Variants in STAT4 observed in about 807,000 individuals in gnomAD.
STAT4 encodes signal transducer and activator of transcription 4.
A neutral mutation model predicts 110.5 loss-of-function variants in STAT4; 42 were observed. The observed-to-expected ratio is 0.38, with a 90% confidence interval of 0.30 to 0.49. STAT4 has a LOEUF of 0.49. STAT4 is among the 20% of genes least tolerant of loss of function. The probability of loss-of-function intolerance (pLI) is 0.95; values close to 1 mark genes in which losing one functional copy is unlikely to be tolerated. For synonymous variants in STAT4, 284 were observed against 302.2 expected, an observed-to-expected ratio of 0.94 and a Z score of 0.63; for missense variants, 632 against 887.9, an observed-to-expected ratio of 0.71 and a Z score of 3.66.
intron 3 of STAT4, among the ~76,000 whole-genome samples, chr2:191,124,655 T>C (rs777358040): frequency 2.0e-5 from 3 of 152,166 alleles, no homozygotes; most frequent in Non-Finnish European, 2.9e-5. Context: ...ATCAAACTCA[T>C]CTTGTTGTCC....
In STAT4 at chr2:191,147,942, C is replaced by T; in HGVS notation, c.128+134G>A. The T allele has an allele frequency of 7.9e-7, 1 of 1,266,270 alleles. No homozygotes were observed. Among genetic ancestry groups the T allele is most frequent in the Non-Finnish European group, 1.1e-6 (1 of 931,088 alleles). 78.4% of individuals were successfully genotyped at this position (1,266,270 alleles called of 1,614,324 possible). A position where few individuals can be genotyped will look rare whatever the true frequency, so the allele number is the denominator to read the frequency against. ...TATTCCCCTTCTTTGGGAAGGCTTT[C>T]AAATCCTTGAGAAAGTTCTTTACCT... is the stretch of plus-strand genomic sequence containing the variant. On this transcript the variant is annotated intron_variant, in intron 2 of 23. Coordinates refer to ENST00000392320, the MANE Select transcript of STAT4 (RefSeq NM_003151.4). The surrounding 1 kb of genome is among the most constrained non-coding windows in gnomAD (Gnocchi z 4.1).
At position 191,077,336 on chromosome 2, in the gene STAT4, T is replaced by C. The variant is rs1697344209; in HGVS notation, c.274-1011A>G. Among the ~76,000 whole-genome samples the C allele has an allele frequency of 6.6e-6, 1 of 152,366 alleles. No homozygotes were observed. The highest frequency in any genetic ancestry group is 1.9e-4 in the East Asian group (1 of 5,192). On this transcript the variant is annotated intron_variant, in intron 3 of 23. Coordinates refer to ENST00000392320, the MANE Select transcript of STAT4 (RefSeq NM_003151.4). The surrounding 1 kb of genome is among the most constrained non-coding windows in gnomAD (Gnocchi z 4.1). ...TACCTGCAAGGCCTCTGTAGGTGTC[T>C]GAGTTTTCTAACCTTAATGGATAGA...
At chr2:191,081,642 T>C (rs1181749399) in intron 3 of STAT4, among the ~76,000 whole-genome samples, 3 of 152,220 alleles carry the variant, frequency 2.0e-5, no homozygotes, top group Non-Finnish European at 2.9e-5. Context: ...ATGTCTTCTT[T>C]TGGGGAAGTG....
rs1324648269 is a variant in STAT4, at chr2:191,062,125, G to A, written c.942-304C>T. ...GCTGAAGTGCAGTGGCACGATCATA[G>A]CTCACTGCAGTCTCAACCTCCTGAG... On this transcript the variant is annotated intron_variant, in intron 9 of 23. Transcript: ENST00000392320. This position sits in a 1 kb window ranked among gnomAD's most constrained non-coding sequence, Gnocchi z 4.9. 1.3e-5 allele frequency among the ~76,000 whole-genome samples: 2 copies of A among 152,158 alleles called. No individual in the cohort carries two copies. The highest frequency in any genetic ancestry group is 1.5e-5 in the Non-Finnish European group (1 of 68,034).
chr2:191,122,652 C>G (rs1698770399), intron 3 of STAT4, among the ~76,000 whole-genome samples: 1 of 152,160 alleles, frequency 6.6e-6, no homozygotes, highest in Admixed American at 6.5e-5. Context: ...TATAGTTATA[C>G]AATGGAATAC....
intron 3 of STAT4, among the ~76,000 whole-genome samples, chr2:191,085,265 TA>T (rs1017589348): frequency 1.3e-5 from 2 of 152,016 alleles, no homozygotes; most frequent in African/African-American, 4.8e-5. Flanking sequence ...AAACCTTTCA[TA>T]TTTGACAATT....
At chr2:191,097,086 G>A (rs1243607291) in intron 3 of STAT4, among the ~76,000 whole-genome samples, 1 of 152,054 alleles carries the variant, frequency 6.6e-6, no homozygotes, top group Non-Finnish European at 1.5e-5. Context: ...CCTCTTCAAG[G>A]AAAAACACAA....
rs1171799048 is a variant in STAT4, at chr2:191,112,826, A to G, written c.273+33787T>C. Among the ~76,000 whole-genome samples, 1 of 152,220 alleles carries G rather than the reference A, an allele frequency of 6.6e-6. No homozygotes were observed. On this transcript the variant is annotated intron_variant, in intron 3 of 23. Coordinates refer to ENST00000392320, the MANE Select transcript of STAT4 (RefSeq NM_003151.4). The surrounding 1 kb of genome is among the most constrained non-coding windows in gnomAD (Gnocchi z 4.3). ...TCTTTGGACAAACTACAGAAGGAAA[A>G]TTCAGGATAATTTCTTGAAAGCAAT...
At position 191,051,253 on chromosome 2, in the gene STAT4, A is replaced by C. The variant is rs1423206462; in HGVS notation, c.1251+3237T>G. ...AAGGAGAAAGATCAGCAGTTGTCTG[A>C]AGTTAGGTATCACGTTTTAGAGCCC... On this transcript the variant is annotated intron_variant, in intron 14 of 23. Transcript: ENST00000392320. The surrounding 1 kb of genome is among the most constrained non-coding windows in gnomAD (Gnocchi z 5.6). 6.6e-6 allele frequency among the ~76,000 whole-genome samples: 1 copy of C among 152,188 alleles called. No homozygotes were observed. Among genetic ancestry groups the C allele is most frequent in the East Asian group, 1.9e-4 (1 of 5,186 alleles).
chr2:191,066,477 C>T lies in STAT4; in HGVS notation c.583G>A (p.Val195Ile). The part of the protein sequence containing the change: ...DKNSAMVNQE[V>I]LTLQEMLNSL... ...TTAAGCATTTCCTGCAGTGTCAAAA[C>T]TTCCTGATTCACCATGGCACTATTC... The change falls in exon 7 of 24, where the codon GTT (valine) becomes ATT (isoleucine). Residue 195 changes from valine (V) to isoleucine (I), a missense_variant. By Grantham distance (29) the Val-to-Ile change is conservative (BLOSUM62 3). This residue lies in a region of STAT4 where 488 missense variants were observed against 632.8 expected (regional missense o/e 0.77). Coordinates refer to ENST00000392320, the MANE Select transcript of STAT4 (RefSeq NM_003151.4). The surrounding 1 kb of genome is among the most constrained non-coding windows in gnomAD (Gnocchi z 4.3). 6.2e-7 allele frequency: 1 copy of T among 1,613,538 alleles called. No homozygotes were observed. Among genetic ancestry groups the T allele is most frequent in the South Asian group, 1.1e-5 (1 of 91,076 alleles).
In STAT4 at chr2:191,033,385, A is replaced by T. The variant is rs1373213427; in HGVS notation, c.1852+105T>A. 1.5e-6 allele frequency: 2 copies of T among 1,345,962 alleles called. No individual in the cohort carries two copies. Among genetic ancestry groups the T allele is most frequent in the Non-Finnish European group, 2.0e-6 (2 of 995,604 alleles). 83.4% of individuals were successfully genotyped at this position (1,345,962 alleles called of 1,614,324 possible). A position where few individuals can be genotyped will look rare whatever the true frequency, so the allele number is the denominator to read the frequency against. ...CTACTAATATTCAAGCCCACTGAAT[A>T]CATCACAGACAGATCAACACACCAT... On this transcript the variant is annotated intron_variant, in intron 20 of 23. Coordinates refer to ENST00000392320, the MANE Select transcript of STAT4 (RefSeq NM_003151.4). The surrounding 1 kb of genome is among the most constrained non-coding windows in gnomAD (Gnocchi z 6.9).
At chr2:191,109,642 G>T (rs952868477) in intron 3 of STAT4, among the ~76,000 whole-genome samples, 1 of 152,214 alleles carries the variant, frequency 6.6e-6, no homozygotes, top group African/African-American at 2.4e-5. Flanking sequence ...TTTCAGTAGT[G>T]TAGGGAGAAG....
Position 191,031,349 on chromosome 2 carries a change from A to T in STAT4, c.2111+101T>A. The T allele has an allele frequency of 1.6e-6, 2 of 1,222,476 alleles. No homozygotes were observed. Among genetic ancestry groups the T allele is most frequent in the Non-Finnish European group, 2.3e-6 (2 of 869,430 alleles). The allele number at this position is 1,222,476 out of a possible 1,614,324, so 75.7% of individuals were successfully genotyped here. A position where few individuals can be genotyped will look rare whatever the true frequency, so the allele number is the denominator to read the frequency against. On this transcript the variant is annotated intron_variant, in intron 22 of 23. Coordinates refer to ENST00000392320, the MANE Select transcript of STAT4 (RefSeq NM_003151.4). The surrounding 1 kb of genome is among the most constrained non-coding windows in gnomAD (Gnocchi z 4.8). ...TAAAGGAAATGGGACATTGCACATTACAATGCTTTGTTCTCAGTTATGTGT... is the reference window on the plus strand; with the variant it reads ...TAAAGGAAATGGGACATTGCACATTTCAATGCTTTGTTCTCAGTTATGTGT...
chr2:191,075,653 A>C (rs560570243), intron 4 of STAT4, among the ~76,000 whole-genome samples: 2 of 152,266 alleles, frequency 1.3e-5, no homozygotes, highest in South Asian at 4.1e-4. Context: ...TGATGTATAG[A>C]TAAGATTCCA....
At chr2:191,085,506 C>T (rs1035257861) in intron 3 of STAT4, among the ~76,000 whole-genome samples, 11 of 151,956 alleles carry the variant, frequency 7.2e-5, no homozygotes, top group African/African-American at 2.7e-4. Flanking sequence ...TCTGATATGT[C>T]TATGTTATCA....
intron 3 of STAT4, among the ~76,000 whole-genome samples, chr2:191,137,698 C>A: frequency 6.6e-6 from 1 of 152,176 alleles, no homozygotes; most frequent in South Asian, 2.1e-4. Context: ...GAATAGAGAA[C>A]CCAGAAATAA....
rs1243861497 is a variant in STAT4, at chr2:191,143,494, C to T, written c.273+3119G>A. Among the ~76,000 whole-genome samples the T allele has an allele frequency of 6.6e-6, 1 of 152,176 alleles. No individual in the cohort carries two copies. The highest frequency in any genetic ancestry group is 1.9e-4 in the East Asian group (1 of 5,192). The stretch of plus-strand genomic sequence containing the variant: ...TGAACGATGGTGTTTATTGCTTCCA[C>T]CTTGGAGCTTCTTGAATTTGCCATC... On this transcript the variant is annotated intron_variant, in intron 3 of 23. Coordinates refer to ENST00000392320, the MANE Select transcript of STAT4 (RefSeq NM_003151.4). The surrounding 1 kb of genome is among the most constrained non-coding windows in gnomAD (Gnocchi z 5.6).
At position 191,111,663 on chromosome 2, in the gene STAT4, G is replaced by A. The variant is rs145077891; in HGVS notation, c.273+34950C>T. Among the ~76,000 whole-genome samples the A allele has an allele frequency of 3.9e-3, 591 of 151,908 alleles. 6 individuals are homozygous for A. The highest frequency in any genetic ancestry group is 0.013 in the African/African-American group (555 of 41,452). ...AAGCCAGGAGTTAGAGACCAGCCTG[G>A]GCAACATAGTAAGACCCTATCTCTA... On this transcript the variant is annotated intron_variant, in intron 3 of 23. Coordinates refer to ENST00000392320, the MANE Select transcript of STAT4 (RefSeq NM_003151.4).
chr2:191,056,951 A>G (rs908069102), intron 13 of STAT4, among the ~76,000 whole-genome samples: 1 of 151,428 alleles, frequency 6.6e-6, no homozygotes, highest in African/African-American at 2.4e-5. Context: ...CCGGGCTACT[A>G]TTTGTATTTT....
Sources: gnomAD v4.1 joint callset for allele counts (sites outside exome capture counted in the v4.1 genomes callset) on GRCh38, gnomAD v4.1.1 for gene constraint, gnomAD v4.1.1 regional missense constraint, Gnocchi (gnomAD v3.1) non-coding constraint, MANE v1.5 for transcripts, NCBI Gene and HGNC (gene_info 2026-07-23, HGNC 2026-07-21) for gene names.